Variants in CACHD1 observed in about 807,000 individuals in gnomAD.
CACHD1 encodes VWFA and cache domain-containing protein 1.
Under a neutral mutation model 138.7 loss-of-function variants are expected in CACHD1, and 71 were observed. The ratio of observed to expected loss-of-function variants is 0.51; its 90% CI spans 0.42 to 0.62. The LOEUF is 0.62. CACHD1 is among the 20% of genes least tolerant of loss of function. CACHD1 has a pLI of 0.00. For synonymous variants in CACHD1, 578 were observed against 591.5 expected (o/e 0.98, Z 0.33); for missense variants, 1,389 against 1,625.3 (o/e 0.85, Z 2.50).
At chr1:64,659,198 G>C (rs1183538352) in intron 13 of CACHD1, among the ~76,000 whole-genome samples, 2 of 152,158 alleles carry the variant, frequency 1.3e-5, no homozygotes, top group African/African-American at 4.8e-5. Context: ...GGTCTTCTAG[G>C]GGGTCTCTGG....
At chr1:64,513,783 G>T (rs1248437526) in intron 1 of CACHD1, among the ~76,000 whole-genome samples, 1 of 152,218 alleles carries the variant, frequency 6.6e-6, no homozygotes, top group African/African-American at 2.4e-5. Flanking sequence ...GCTGTTCAAT[G>T]GAAGCCACTT....
In CACHD1 at chr1:64,600,475, T is replaced by A. The variant is rs376042801; in HGVS notation, c.411-2331T>A. ...TTAGTATTGGAACCATTCGACTGAG[T>A]CATGGTCCTCACTTGCCAAGATTTC... On this transcript the variant is annotated intron_variant, in intron 3 of 26. Transcript: ENST00000651257. 3.9e-5 allele frequency among the ~76,000 whole-genome samples: 6 copies of A among 152,288 alleles called. No homozygotes were observed. In the East Asian group the frequency reaches 1.2e-3, roughly 29 times the overall value.
intron 1 of CACHD1, among the ~76,000 whole-genome samples, chr1:64,510,813 T>C (rs1394175680): frequency 2.0e-5 from 3 of 152,168 alleles, no homozygotes; most frequent in Non-Finnish European, 4.4e-5. Context: ...TCTTGCAAGA[T>C]TGTGGTATGA....
intron 3 of CACHD1, among the ~76,000 whole-genome samples, chr1:64,596,108 G>C (rs1211681894): frequency 6.6e-6 from 1 of 152,180 alleles, no homozygotes; most frequent in Non-Finnish European, 1.5e-5. Context: ...AAACTCAGTC[G>C]AGGGGGGGGT....
At chr1:64,534,735 A>G (rs1244547581) in intron 1 of CACHD1, among the ~76,000 whole-genome samples, 2 of 152,254 alleles carry the variant, frequency 1.3e-5, no homozygotes, top group Admixed American at 1.3e-4. Flanking sequence ...AACAGGAAAC[A>G]GAGTTGGGCC....
intron 1 of CACHD1, among the ~76,000 whole-genome samples, chr1:64,543,571 C>T (rs1471841138): frequency 6.6e-6 from 1 of 151,576 alleles, no homozygotes; most frequent in African/African-American, 2.4e-5. Flanking sequence ...GTGAGACTGT[C>T]TCTAAAATAA....
At chr1:64,539,936 C>CTG (rs1557483092) in intron 1 of CACHD1, among the ~76,000 whole-genome samples, 1 of 152,104 alleles carries the variant, frequency 6.6e-6, no homozygotes, top group East Asian at 1.9e-4. Context: ...CTGTATTGCA[C>CTG]TGTTCACTGT....
At chr1:64,481,702 G>C (rs1012220181) in intron 1 of CACHD1, among the ~76,000 whole-genome samples, 6 of 152,206 alleles carry the variant, frequency 3.9e-5, no homozygotes, top group African/African-American at 1.4e-4. Flanking sequence ...AGCTGTGGCA[G>C]AGCTGATAAG....
chr1:64,658,808 A>G lies in CACHD1; in HGVS notation c.1886A>G (p.Tyr629Cys). Reference sequence around the variant, plus strand: ...ACTGTTCCCAGCAGCAAGCTGCTGTACCACCGGCTGGATCTCCTTGGCCAG... The same window carrying G: ...ACTGTTCCCAGCAGCAAGCTGCTGTGCCACCGGCTGGATCTCCTTGGCCAG... ...LNTVPSSKLL[Y>C]HRLDLLGQPS... Residue 629 changes from tyrosine (Y) to cysteine (C), a missense_variant, in exon 13 of 27, where the codon TAC becomes TGC. Physicochemically the swap from Tyr to Cys is radical, Grantham distance 194 (BLOSUM62 -2). Around this residue, in one of 5 missense-constraint regions of CACHD1, gnomAD observed 1,000 missense variants for 1,114.7 expected, o/e 0.90. Coordinates refer to ENST00000651257, the MANE Select transcript of CACHD1 (RefSeq NM_020925.4). 1 of 1,598,968 alleles carries G rather than the reference A, an allele frequency of 6.3e-7. No individual in the cohort carries two copies.
intron 1 of CACHD1, among the ~76,000 whole-genome samples, chr1:64,479,675 A>G (rs1466009201): frequency 6.6e-6 from 1 of 152,168 alleles, no homozygotes; most frequent in South Asian, 2.1e-4. Context: ...CTACCACCCT[A>G]TGCGGTTGAA....
intron 1 of CACHD1, among the ~76,000 whole-genome samples, chr1:64,491,254 C>G (rs1212711101): frequency 6.8e-6 from 1 of 147,094 alleles, no homozygotes; most frequent in East Asian, 1.9e-4. Flanking sequence ...TCCTCTCTCT[C>G]TCTCTCTTTT....
At chr1:64,484,559 G>A (rs1483986849) in intron 1 of CACHD1, among the ~76,000 whole-genome samples, 1 of 152,146 alleles carries the variant, frequency 6.6e-6, no homozygotes, top group Non-Finnish European at 1.5e-5. Flanking sequence ...TCATATTGTC[G>A]TGTAACCATC....
At chr1:64,511,878 C>T (rs1646423303) in intron 1 of CACHD1, among the ~76,000 whole-genome samples, 1 of 152,210 alleles carries the variant, frequency 6.6e-6, no homozygotes, top group Admixed American at 6.5e-5. Context: ...CAGCTGTGTC[C>T]TTTTCTCATC....
chr1:64,491,952 T>G (rs897274467), intron 1 of CACHD1, among the ~76,000 whole-genome samples: 1 of 151,944 alleles, frequency 6.6e-6, no homozygotes, highest in Non-Finnish European at 1.5e-5. Context: ...TTTGTTTTTT[T>G]TTTATTAATA....
chr1:64,566,487 C>CCCT (rs1016698713), intron 2 of CACHD1, among the ~76,000 whole-genome samples: 4 of 144,058 alleles, frequency 2.8e-5, no homozygotes, highest in Non-Finnish European at 6.3e-5. Context: ...ATTCCCCCCC[C>CCCT]CCCACAAGGT....
At position 64,658,307 on chromosome 1, in the gene CACHD1, T is replaced by C. The variant is rs572045369; in HGVS notation, c.1783-398T>C. Among the ~76,000 whole-genome samples the C allele has an allele frequency of 6.6e-5, 10 of 152,330 alleles. No homozygotes were observed. In the East Asian group the frequency reaches 1.9e-3, roughly 29 times the overall value. ...AAATAGTCAATTCTCAGAACACTTA[T>C]TGCAAAACCAATTATGTATTTTTAA... On this transcript the variant is annotated intron_variant, in intron 12 of 26. Coordinates refer to ENST00000651257, the MANE Select transcript of CACHD1 (RefSeq NM_020925.4).
intron 1 of CACHD1, among the ~76,000 whole-genome samples, chr1:64,540,063 C>T (rs977417364): frequency 5.9e-5 from 9 of 152,110 alleles, no homozygotes; most frequent in East Asian, 1.9e-4. Context: ...TGATTGATTG[C>T]GTGAGACAGT....
At chr1:64,518,208 A>G (rs927336052) in intron 1 of CACHD1, among the ~76,000 whole-genome samples, 1 of 152,148 alleles carries the variant, frequency 6.6e-6, no homozygotes, top group African/African-American at 2.4e-5. Flanking sequence ...TCTTTCCTCT[A>G]AGATAATAGC....
intron 26 of CACHD1, among the ~76,000 whole-genome samples, chr1:64,687,533 A>G (rs1650407420): frequency 6.6e-6 from 1 of 152,160 alleles, no homozygotes; most frequent in African/African-American, 2.4e-5. Flanking sequence ...CCATCCTGAG[A>G]TGAAGAGATG....
Sources: allele counts gnomAD v4.1 joint callset (sites outside exome capture counted in the v4.1 genomes callset), GRCh38; gene constraint gnomAD v4.1.1; regional missense constraint gnomAD v4.1.1; transcripts MANE v1.5; gene names NCBI Gene and HGNC (gene_info 2026-07-23, HGNC 2026-07-21).